The following ANGPT1 variants were observed in gnomAD, a reference collection of about 807,000 sequenced individuals.
ANGPT1 encodes the protein angiopoietin-1.
A neutral mutation model predicts 62.2 loss-of-function variants in ANGPT1; 17 were observed. That is an observed-to-expected ratio of 0.27 (90% CI 0.19 to 0.41). ANGPT1 has a LOEUF of 0.41. Among genes scored for constraint, ANGPT1 ranks in the 10% least tolerant of loss-of-function variants. The probability of loss-of-function intolerance (pLI) is 1.00; values close to 1 mark genes in which losing one functional copy is unlikely to be tolerated. For missense variants in ANGPT1, 478 were observed against 594.9 expected (o/e 0.80, Z 2.04); for synonymous variants, 199 against 198.9 (o/e 1.00, Z 0.00).
At chr8:107,450,639 C>A (rs1325629289) in intron 1 of ANGPT1, among the ~76,000 whole-genome samples, 1 of 151,298 alleles carries the variant, frequency 6.6e-6, no homozygotes, top group African/African-American at 2.4e-5. Context: ...GAAAAAAGTT[C>A]TGAAAAATGC....
intron 5 of ANGPT1, 101 bp from the exon 6 acceptor site, chr8:107,294,138 T>G: frequency 1.2e-6 from 1 of 813,896 alleles, no homozygotes; most frequent in Non-Finnish European, 1.9e-6. Flanking sequence ...GGTCTGCAGA[T>G]TACAAAAACC....
intron 4 of ANGPT1, among the ~76,000 whole-genome samples, chr8:107,311,824 G>A (rs1412445701): frequency 1.3e-5 from 2 of 152,272 alleles, no homozygotes; most frequent in African/African-American, 4.8e-5. Context: ...CAGCACTCTG[G>A]AAGTCCGAGG....
At position 107,322,135 on chromosome 8, in the gene ANGPT1, G is replaced by C; in HGVS notation, c.576-7C>G. Reference sequence around the variant, plus strand: ...GATTTTATGTTCTAATAAACTACAAGGAAGTGAAAATAAAACTTAGATTTG... The same window carrying C: ...GATTTTATGTTCTAATAAACTACAACGAAGTGAAAATAAAACTTAGATTTG... On this transcript the variant is annotated splice_polypyrimidine_tract_variant and splice_region_variant and intron_variant, in intron 3 of 8. Coordinates refer to ENST00000517746, the MANE Select transcript of ANGPT1 (RefSeq NM_001146.5). 6.3e-7 allele frequency: 1 copy of C among 1,583,226 alleles called. No individual in the cohort carries two copies.
At chr8:107,363,406 T>C (rs1212609147) in intron 1 of ANGPT1, among the ~76,000 whole-genome samples, 3 of 152,196 alleles carry the variant, frequency 2.0e-5, no homozygotes, top group African/African-American at 7.2e-5. Context: ...GAACAGCTAA[T>C]ACTAGCCACC....
chr8:107,408,225 A>G (rs1817189278), intron 1 of ANGPT1, among the ~76,000 whole-genome samples: 1 of 152,288 alleles, frequency 6.6e-6, no homozygotes, highest in South Asian at 2.1e-4. Flanking sequence ...TTAATTCACT[A>G]ACTTCTAAAT....
chr8:107,435,947 G>C (rs1811321434), intron 1 of ANGPT1, among the ~76,000 whole-genome samples: 1 of 152,168 alleles, frequency 6.6e-6, no homozygotes, highest in African/African-American at 2.4e-5. Context: ...GTGCCACCCA[G>C]GCTAGAGTGC....
chr8:107,258,652 T>C (rs1813424404), intron 8 of ANGPT1, among the ~76,000 whole-genome samples: 1 of 152,200 alleles, frequency 6.6e-6, no homozygotes, highest in African/African-American at 2.4e-5. Flanking sequence ...GAATGTAATC[T>C]TAAACTTTGC....
At chr8:107,409,943 A>C (rs1817229620) in intron 1 of ANGPT1, among the ~76,000 whole-genome samples, 1 of 8,996 alleles carries the variant, frequency 1.1e-4, no homozygotes, top group Admixed American at 9.5e-4. Context: ...TGATGAATCC[A>C]TCCATCCATC....
At chr8:107,355,507 G>A (rs1419814486) in intron 1 of ANGPT1, among the ~76,000 whole-genome samples, 1 of 152,134 alleles carries the variant, frequency 6.6e-6, no homozygotes, top group Non-Finnish European at 1.5e-5. Flanking sequence ...CGTCATAGAT[G>A]ATTCTTAACA....
At chr8:107,452,299 G>T (rs1811797879) in intron 1 of ANGPT1, among the ~76,000 whole-genome samples, 1 of 151,328 alleles carries the variant, frequency 6.6e-6, no homozygotes. Context: ...TTATAATTAG[G>T]ATCTTACGGA....
intron 7 of ANGPT1, among the ~76,000 whole-genome samples, chr8:107,281,709 C>T (rs1330003433): frequency 1.3e-5 from 2 of 152,042 alleles, no homozygotes; most frequent in African/African-American, 4.8e-5. Context: ...ACCGGTGAGG[C>T]GGAGGTTGCA....
intron 1 of ANGPT1, among the ~76,000 whole-genome samples, chr8:107,427,501 C>T (rs1811070012): frequency 1.3e-5 from 2 of 152,196 alleles, no homozygotes; most frequent in Admixed American, 1.3e-4. Context: ...CCTGAAGATG[C>T]TCTTGTCTCT....
At chr8:107,434,594 T>A (rs1026073067) in intron 1 of ANGPT1, among the ~76,000 whole-genome samples, 9 of 146,308 alleles carry the variant, frequency 6.2e-5, no homozygotes, top group South Asian at 4.3e-4. Flanking sequence ...AGACAAACTT[T>A]AAAAAAAAAG....
At chr8:107,463,834 G>A (rs28424246) in intron 1 of ANGPT1, among the ~76,000 whole-genome samples, 4 of 152,140 alleles carry the variant, frequency 2.6e-5, no homozygotes, top group Admixed American at 6.5e-5. Context: ...GGTAACTTTC[G>A]TAGACATGTA....
intron 1 of ANGPT1, among the ~76,000 whole-genome samples, chr8:107,485,486 C>A (rs1367778220): frequency 6.6e-6 from 1 of 152,092 alleles, no homozygotes; most frequent in Non-Finnish European, 1.5e-5. Flanking sequence ...ACCCTCAAAA[C>A]CCAAATTTTG....
At chr8:107,334,124 G>A (rs1216034931) in intron 3 of ANGPT1, among the ~76,000 whole-genome samples, 2 of 151,992 alleles carry the variant, frequency 1.3e-5, no homozygotes, top group Non-Finnish European at 2.9e-5. Context: ...CATTTGTTTT[G>A]CAGTTAGGGA....
intron 1 of ANGPT1, among the ~76,000 whole-genome samples, chr8:107,445,632 T>G (rs985259107): frequency 8.5e-5 from 13 of 152,290 alleles, no homozygotes; most frequent in African/African-American, 3.1e-4. Context: ...AATTAACTTT[T>G]ATCGGGCATC....
chr8:107,486,820 A>G (rs541052789), intron 1 of ANGPT1, among the ~76,000 whole-genome samples: 1 of 152,300 alleles, frequency 6.6e-6, no homozygotes, highest in African/African-American at 2.4e-5. Context: ...GAAATAGTGG[A>G]CACAAACAAT....
chr8:107,418,882 A>C (rs2130373897), intron 1 of ANGPT1, among the ~76,000 whole-genome samples: 1 of 152,318 alleles, frequency 6.6e-6, no homozygotes, highest in South Asian at 2.1e-4. Context: ...GTCTAGGATA[A>C]GTACTCTCTC....
Sources: gnomAD v4.1 joint callset for allele counts (sites outside exome capture counted in the v4.1 genomes callset) on GRCh38, gnomAD v4.1.1 for gene constraint, MANE v1.5 for transcripts, NCBI Gene and HGNC (gene_info 2026-07-23, HGNC 2026-07-21) for gene names.